The following CYSTM1 variants were observed in gnomAD, a reference collection of about 807,000 sequenced individuals.
The protein encoded by CYSTM1 is cysteine rich transmembrane module containing 1.
A neutral mutation model predicts 13.1 loss-of-function variants in CYSTM1; 4 were observed. That is an observed-to-expected ratio of 0.31 (90% CI 0.15 to 0.70). CYSTM1 has a LOEUF of 0.70. Ranked by LOEUF, CYSTM1 falls within the 30% of genes least tolerant of loss-of-function variation. The pLI is 0.72. For synonymous variants in CYSTM1, 36 were observed against 42.7 expected, an observed-to-expected ratio of 0.84 and a Z score of 0.62; for missense variants, 96 against 121.6, an observed-to-expected ratio of 0.79 and a Z score of 0.99.
At position 140,175,539 on chromosome 5, in the gene CYSTM1, G is replaced by T. The variant is rs1205713452; in HGVS notation, c.-21+254G>T. 6.6e-6 allele frequency among the ~76,000 whole-genome samples: 1 copy of T among 152,254 alleles called. No individual in the cohort carries two copies. Among genetic ancestry groups the T allele is most frequent in the Non-Finnish European group, 1.5e-5 (1 of 68,044 alleles). On this transcript the variant is annotated intron_variant, in intron 1 of 2. Coordinates refer to ENST00000261811, the MANE Select transcript of CYSTM1 (RefSeq NM_032412.4). The surrounding 1 kb of genome is among the most constrained non-coding windows in gnomAD (Gnocchi z 4.9). ...TGGTCGCCGCGCCGCGCGTCTCGGCGGTGGACTCACAGGGTCTCCGCGTCG... is the reference window on the plus strand; with the variant it reads ...TGGTCGCCGCGCCGCGCGTCTCGGCTGTGGACTCACAGGGTCTCCGCGTCG...
chr5:140,238,519 C>G (rs1289666908), intron 2 of CYSTM1, among the ~76,000 whole-genome samples: 1 of 152,162 alleles, frequency 6.6e-6, no homozygotes, highest in African/African-American at 2.4e-5. Context: ...TGGCCTTGAA[C>G]AGAGGCACAG....
chr5:140,210,460 C>T (rs888328231), intron 2 of CYSTM1, among the ~76,000 whole-genome samples: 2 of 152,258 alleles, frequency 1.3e-5, no homozygotes, highest in East Asian at 3.9e-4. Flanking sequence ...GGGCCAACAT[C>T]ACCCCTCCTT....
chr5:140,214,882 G>A (rs1764409565), intron 2 of CYSTM1, among the ~76,000 whole-genome samples: 1 of 152,158 alleles, frequency 6.6e-6, no homozygotes, highest in African/African-American at 2.4e-5. Context: ...TCATTGGTGT[G>A]GGGACCATCC....
chr5:140,181,088 A>G (rs1338880909), intron 1 of CYSTM1, among the ~76,000 whole-genome samples: 1 of 152,224 alleles, frequency 6.6e-6, no homozygotes, highest in African/African-American at 2.4e-5. Context: ...GACCTGGGAA[A>G]TGGTGCTAGA....
chr5:140,177,860 G>A (rs75753699), intron 1 of CYSTM1, among the ~76,000 whole-genome samples: 1,785 of 152,246 alleles, frequency 0.012, 41 homozygotes, highest in African/African-American at 0.041. Context: ...GATACTATTT[G>A]AAGTGGCCAA....
At chr5:140,197,531 C>T (rs1764172474) in intron 2 of CYSTM1, among the ~76,000 whole-genome samples, 1 of 152,164 alleles carries the variant, frequency 6.6e-6, no homozygotes, top group Non-Finnish European at 1.5e-5. Flanking sequence ...CACCTGGGGT[C>T]CATGTTCTGT....
intron 2 of CYSTM1, chr5:140,202,472 C>G (rs1169507540): frequency 6.6e-6 from 1 of 152,172 alleles, no homozygotes; most frequent in Non-Finnish European, 1.5e-5. Flanking sequence ...TGTTACGTCA[C>G]AAACCACCCC....
At position 140,212,386 on chromosome 5, in the gene CYSTM1, C is replaced by T. The variant is rs74337637; in HGVS notation, c.187+17734C>T. On this transcript the variant is annotated intron_variant, in intron 2 of 2. Transcript: ENST00000261811. Reference sequence around the variant, plus strand: ...ATGTTTGTGGTGATGCTGGTGTAAACGAACCTACTGCGCTGCCAGCTGTAT... The same window carrying T: ...ATGTTTGTGGTGATGCTGGTGTAAATGAACCTACTGCGCTGCCAGCTGTAT... Among the ~76,000 whole-genome samples, 354 of 152,254 alleles carry T rather than the reference C, an allele frequency of 2.3e-3. 3 individuals carry two copies. The highest frequency in any genetic ancestry group is 0.02 in the Middle Eastern group (6 of 294).
In CYSTM1 at chr5:140,198,813, C is replaced by T. The variant is rs148180040; in HGVS notation, c.187+4161C>T. 1.7e-3 allele frequency among the ~76,000 whole-genome samples: 260 copies of T among 152,270 alleles called. 1 individual carries two copies. The highest frequency in any genetic ancestry group is 0.011 in the South Asian group (54 of 4,820). On this transcript the variant is annotated intron_variant, in intron 2 of 2. Coordinates refer to ENST00000261811, the MANE Select transcript of CYSTM1 (RefSeq NM_032412.4). ...CATCACCACTATCATAATTCCAGAA[C>T]ATTTTCTTTTATTATTATACTTTAA... is the stretch of plus-strand genomic sequence containing the variant.
intron 2 of CYSTM1, chr5:140,228,717 C>T (rs1484843269): frequency 7.5e-6 from 3 of 398,902 alleles, no homozygotes; most frequent in South Asian, 2.5e-4. Flanking sequence ...CCGCCCTGCA[C>T]CCCCTTCAAC....
chr5:140,226,364 C>T (rs1285358939), intron 2 of CYSTM1, among the ~76,000 whole-genome samples: 2 of 148,870 alleles, frequency 1.3e-5, no homozygotes, highest in Non-Finnish European at 3.0e-5. Flanking sequence ...CGCGGTGGCT[C>T]ACATCTATAA....
chr5:140,177,484 T>C (rs1053214052), intron 1 of CYSTM1, among the ~76,000 whole-genome samples: 7 of 152,168 alleles, frequency 4.6e-5, no homozygotes, highest in African/African-American at 1.4e-4. Flanking sequence ...GAAAACAGAA[T>C]TGGACCTCCA....
intron 2 of CYSTM1, among the ~76,000 whole-genome samples, chr5:140,216,939 C>G (rs775309088): frequency 8.5e-5 from 13 of 152,120 alleles, no homozygotes; most frequent in Non-Finnish European, 1.3e-4. Context: ...GGGGTTGTAC[C>G]TGAGCTTTCT....
chr5:140,197,043 G>A (rs1273343018), intron 2 of CYSTM1, among the ~76,000 whole-genome samples: 1 of 152,164 alleles, frequency 6.6e-6, no homozygotes, highest in Non-Finnish European at 1.5e-5. Context: ...TGAGTTATCC[G>A]GTAGACTCAA....
chr5:140,192,012 A>G (rs1400715600), intron 1 of CYSTM1, among the ~76,000 whole-genome samples: 1 of 152,244 alleles, frequency 6.6e-6, no homozygotes, highest in East Asian at 1.9e-4. Flanking sequence ...ACCAGAGCGC[A>G]GAGAAGGGAA....
rs534048654 is a variant in CYSTM1, at chr5:140,206,201, C to T, written c.187+11549C>T. On this transcript the variant is annotated intron_variant, in intron 2 of 2. Transcript: ENST00000261811. ...TCTTTTGAGCCTTGTTCAGCTGCCACCTAGTCAGAAAGGCCTTCCAGTCAC... is the reference window on the plus strand; with the variant it reads ...TCTTTTGAGCCTTGTTCAGCTGCCATCTAGTCAGAAAGGCCTTCCAGTCAC... 2.2e-4 allele frequency among the ~76,000 whole-genome samples: 33 copies of T among 152,132 alleles called. No homozygotes were observed. The South Asian group carries it at 6.0e-3, about 28-fold the overall frequency.
At chr5:140,204,729 C>G (rs1304555627) in intron 2 of CYSTM1, among the ~76,000 whole-genome samples, 2 of 151,940 alleles carry the variant, frequency 1.3e-5, no homozygotes, top group Non-Finnish European at 2.9e-5. Flanking sequence ...ACGTTTTTTT[C>G]TTCTTTCACC....
intron 1 of CYSTM1, among the ~76,000 whole-genome samples, chr5:140,178,115 A>G (rs1229593856): frequency 6.6e-6 from 1 of 152,150 alleles, no homozygotes; most frequent in Non-Finnish European, 1.5e-5. Context: ...CTTTAATAGA[A>G]ATGCTCTTTC....
At chr5:140,182,537 T>C (rs958390205) in intron 1 of CYSTM1, among the ~76,000 whole-genome samples, 2 of 152,102 alleles carry the variant, frequency 1.3e-5, no homozygotes, top group Non-Finnish European at 1.5e-5. Flanking sequence ...TCATTGATGC[T>C]GTGTTACATT....
Sources: gnomAD v4.1 joint callset for allele counts (sites outside exome capture counted in the v4.1 genomes callset) on GRCh38, gnomAD v4.1.1 for gene constraint, Gnocchi (gnomAD v3.1) non-coding constraint, MANE v1.5 for transcripts, NCBI Gene and HGNC (gene_info 2026-07-23, HGNC 2026-07-21) for gene names.